Variants in GAB1 observed in about 807,000 individuals in gnomAD.
The protein encoded by GAB1 is GRB2-associated-binding protein 1.
A neutral mutation model predicts 66.5 loss-of-function variants in GAB1; 19 were observed. The ratio of observed to expected loss-of-function variants is 0.29; its 90% CI spans 0.20 to 0.42. The LOEUF is 0.42. GAB1 is among the 10% of genes least tolerant of loss of function. GAB1 has a pLI of 1.00. For synonymous variants in GAB1, 294 were observed against 301.4 expected, an observed-to-expected ratio of 0.98 and a Z score of 0.25; for missense variants, 732 against 858.5, an observed-to-expected ratio of 0.85 and a Z score of 1.84.
intron 1 of GAB1, among the ~76,000 whole-genome samples, chr4:143,361,328 A>G (rs1398992582): frequency 1.3e-5 from 2 of 152,190 alleles, no homozygotes; most frequent in Non-Finnish European, 2.9e-5. Context: ...AATGCTAGTA[A>G]CATCTTGCTC....
At chr4:143,379,113 G>A (rs73853827) in intron 1 of GAB1, among the ~76,000 whole-genome samples, 5,772 of 152,230 alleles carry the variant, frequency 0.038, 364 homozygotes, top group African/African-American at 0.13. Flanking sequence ...TTGAGGTGGG[G>A]TAGGGGTTGC....
At chr4:143,434,217 G>T in intron 3 of GAB1, 1 of 943,622 alleles carries the variant, frequency 1.1e-6, no homozygotes, top group Non-Finnish European at 1.5e-6. Context: ...TTAATCATAA[G>T]GTAAAATCCC....
chr4:143,388,247 G>A (rs1025706255), intron 1 of GAB1, among the ~76,000 whole-genome samples: 14 of 151,772 alleles, frequency 9.2e-5, no homozygotes, highest in Non-Finnish European at 1.8e-4. Context: ...AGAATCTGAG[G>A]CCAAGTCCAG....
intron 1 of GAB1, among the ~76,000 whole-genome samples, chr4:143,365,657 C>T (rs958797626): frequency 6.6e-6 from 1 of 152,210 alleles, no homozygotes; most frequent in Non-Finnish European, 1.5e-5. Context: ...GGATGCTGAA[C>T]ACATTTTCCC....
chr4:143,378,179 G>A (rs28410377), intron 1 of GAB1, among the ~76,000 whole-genome samples: 9,037 of 152,272 alleles, frequency 0.059, 325 homozygotes, highest in African/African-American at 0.1. Context: ...GATAAATTTT[G>A]TTTCTCTGAA....
chr4:143,392,039 A>G (rs1731211940), intron 1 of GAB1, among the ~76,000 whole-genome samples: 1 of 152,230 alleles, frequency 6.6e-6, no homozygotes, highest in African/African-American at 2.4e-5. Flanking sequence ...TATTCTTGAC[A>G]AGTAACATAC....
intron 1 of GAB1, chr4:143,377,002 T>C (rs774470846): frequency 2.0e-5 from 3 of 152,098 alleles, no homozygotes; most frequent in Non-Finnish European, 2.9e-5. Context: ...TGGCAGGGTC[T>C]CGAGCCACCA....
intron 1 of GAB1, among the ~76,000 whole-genome samples, chr4:143,352,105 C>T (rs1445638627): frequency 6.6e-6 from 1 of 152,180 alleles, no homozygotes; most frequent in East Asian, 1.9e-4. Flanking sequence ...TACCAAAATA[C>T]TCATTTTTAC....
At chr4:143,451,741 A>G (rs1438974419) in intron 6 of GAB1, among the ~76,000 whole-genome samples, 1 of 152,176 alleles carries the variant, frequency 6.6e-6, no homozygotes, top group Non-Finnish European at 1.5e-5. Context: ...CAGGGAAGGC[A>G]TAGCAAAAGT....
chr4:143,440,414 G>A (rs1288037545), intron 6 of GAB1, 32 bp downstream of exon 6: 2 of 1,548,452 alleles, frequency 1.3e-6, no homozygotes, highest in Admixed American at 4.2e-5. Flanking sequence ...AAAAGGCTTG[G>A]GGAGTGCCAA....
At chr4:143,363,239 T>G (rs1166737511) in intron 1 of GAB1, among the ~76,000 whole-genome samples, 1 of 152,210 alleles carries the variant, frequency 6.6e-6, no homozygotes, top group Non-Finnish European at 1.5e-5. Context: ...ATTGTTTCTC[T>G]TAATAATCCA....
intron 6 of GAB1, among the ~76,000 whole-genome samples, chr4:143,450,415 A>C (rs1002729661): frequency 6.6e-6 from 1 of 152,236 alleles, no homozygotes; most frequent in African/African-American, 2.4e-5. Context: ...CTGTAATAAT[A>C]CAGAAAATAA....
chr4:143,435,842 G>A (rs1237937854), intron 3 of GAB1, among the ~76,000 whole-genome samples: 1 of 152,180 alleles, frequency 6.6e-6, no homozygotes, highest in African/African-American at 2.4e-5. Flanking sequence ...TAGTTAGAAT[G>A]TGCTCCTCTA....
At chr4:143,379,682 G>A (rs750258206) in intron 1 of GAB1, among the ~76,000 whole-genome samples, 9 of 151,956 alleles carry the variant, frequency 5.9e-5, no homozygotes, top group Non-Finnish European at 1.2e-4. Context: ...GACCTCCTGG[G>A]CTCAAGTGAT....
At chr4:143,400,244 G>A (rs1241486536) in intron 1 of GAB1, among the ~76,000 whole-genome samples, 1 of 152,020 alleles carries the variant, frequency 6.6e-6, no homozygotes, top group Admixed American at 6.6e-5. Flanking sequence ...TGCCTGGCCT[G>A]AGTCTCTACT....
At chr4:143,449,226 G>T (rs1000691848) in intron 6 of GAB1, among the ~76,000 whole-genome samples, 3 of 150,972 alleles carry the variant, frequency 2.0e-5, no homozygotes, top group Non-Finnish European at 4.4e-5. Context: ...GGTCAATTTT[G>T]GAATAGGTGT....
intron 1 of GAB1, among the ~76,000 whole-genome samples, chr4:143,413,848 T>TG (rs1732530628): frequency 3.1e-5 from 4 of 130,814 alleles, no homozygotes; most frequent in African/African-American, 1.2e-4. Flanking sequence ...TTTTTTTTTT[T>TG]GAGGAGGAGT....
chr4:143,423,819 T>TAC (rs1560759431), intron 2 of GAB1, among the ~76,000 whole-genome samples: 14 of 126,124 alleles, frequency 1.1e-4, no homozygotes, highest in African/African-American at 4.1e-4. Context: ...TATATATATA[T>TAC]ATATATATAT....
At chr4:143,346,289 T>G (rs1728990562) in intron 1 of GAB1, among the ~76,000 whole-genome samples, 1 of 152,226 alleles carries the variant, frequency 6.6e-6, no homozygotes, top group Admixed American at 6.5e-5. Flanking sequence ...ATGTAGATGT[T>G]TTTCTCTCCT....
Sources: allele counts gnomAD v4.1 joint callset (sites outside exome capture counted in the v4.1 genomes callset), GRCh38; gene constraint gnomAD v4.1.1; transcripts MANE v1.5; gene names NCBI Gene and HGNC (gene_info 2026-07-23, HGNC 2026-07-21).